Variants in R3HCC1L observed in about 807,000 individuals in gnomAD.
R3HCC1L encodes R3H domain and coiled-coil containing 1 like.
R3HCC1L carries 51 observed loss-of-function variants against 59.9 expected under a neutral mutation model. The observed-to-expected ratio is 0.85, with a 90% CI of 0.68 to 1.07. The LOEUF is 1.07. Among genes scored for constraint, R3HCC1L ranks in the 50% least tolerant of loss-of-function variants. R3HCC1L has a pLI of 0.00. For synonymous variants in R3HCC1L, 322 were observed against 315.2 expected, an observed-to-expected ratio of 1.02 and a Z score of -0.23; for missense variants, 965 against 933.0, an observed-to-expected ratio of 1.03 and a Z score of -0.45.
chr10:98,205,787 TAA>T, intron 4 of R3HCC1L, among the ~76,000 whole-genome samples: 1 of 152,352 alleles, frequency 6.6e-6, no homozygotes, highest in Admixed American at 6.5e-5. Context: ...ATAATAATTT[TAA>T]AGTAGATAAT....
At chr10:98,201,744 A>G (rs983087860) in intron 4 of R3HCC1L, among the ~76,000 whole-genome samples, 1 of 152,230 alleles carries the variant, frequency 6.6e-6, no homozygotes, top group African/African-American at 2.4e-5. Flanking sequence ...TTTGTCAGAG[A>G]GACAGCTTTC....
intron 4 of R3HCC1L, among the ~76,000 whole-genome samples, chr10:98,205,005 C>G (rs543581433): frequency 6.6e-6 from 1 of 152,186 alleles, no homozygotes; most frequent in South Asian, 2.1e-4. Flanking sequence ...AATGGGCATA[C>G]TGGTGGATTG....
chr10:98,172,379 C>T (rs1428112917), intron 4 of R3HCC1L, among the ~76,000 whole-genome samples: 1 of 152,194 alleles, frequency 6.6e-6, no homozygotes, highest in Non-Finnish European at 1.5e-5. Context: ...GAAACTGTAA[C>T]ATTTTTAGCG....
At chr10:98,151,842 A>T (rs955934784) in intron 1 of R3HCC1L, among the ~76,000 whole-genome samples, 3 of 152,200 alleles carry the variant, frequency 2.0e-5, no homozygotes, top group African/African-American at 7.2e-5. Flanking sequence ...TTTAGTTGCA[A>T]CCAAGTACCA....
At chr10:98,153,421 T>C (rs1035649645) in intron 1 of R3HCC1L, among the ~76,000 whole-genome samples, 13 of 151,938 alleles carry the variant, frequency 8.6e-5, no homozygotes, top group Admixed American at 7.9e-4. Context: ...AGCAGACTCG[T>C]TAAAGAGTCA....
intron 5 of R3HCC1L, among the ~76,000 whole-genome samples, chr10:98,229,850 T>A (rs1856147661): frequency 6.6e-6 from 1 of 152,218 alleles, no homozygotes. Context: ...ATGTAGTTTT[T>A]GTTGTTGGTT....
intron 4 of R3HCC1L, among the ~76,000 whole-genome samples, chr10:98,169,903 T>TTTTC (rs776562723): frequency 6.9e-6 from 1 of 145,522 alleles, no homozygotes; most frequent in Non-Finnish European, 1.5e-5. Flanking sequence ...TTTTTTTTTT[T>TTTTC]GGAGTGAGTG....
Position 98,208,312 on chromosome 10 carries a change from G to T in R3HCC1L, c.198G>T (p.Pro66=), listed in dbSNP as rs764428816. The T allele has an allele frequency of 6.2e-7, 1 of 1,614,044 alleles. No individual in the cohort carries two copies. The highest frequency in any genetic ancestry group is 8.5e-7 in the Non-Finnish European group (1 of 1,180,010). The change falls in exon 5 of 10, where the codon CCG becomes CCT. Residue 66 remains proline, a synonymous_variant. Transcript: ENST00000298999. ...AAAAAGAAGTCTTTAAAGACAAACC[G>T]GAGGCTCGAAGACTAAATATCAATC... is the stretch of plus-strand genomic sequence containing the variant. ...LSQKEVFKDK[P]EARRLNINPD...
intron 1 of R3HCC1L, among the ~76,000 whole-genome samples, chr10:98,148,802 A>G (rs184540682): frequency 1.3e-5 from 2 of 152,220 alleles, no homozygotes; most frequent in East Asian, 1.9e-4. Context: ...TTTTACGTCT[A>G]TGTTCATTAG....
At chr10:98,184,203 C>G (rs1263974480) in intron 4 of R3HCC1L, among the ~76,000 whole-genome samples, 1 of 151,978 alleles carries the variant, frequency 6.6e-6, no homozygotes, top group East Asian at 1.9e-4. Flanking sequence ...TTCTTAATGT[C>G]TACCCTCAGC....
intron 4 of R3HCC1L, among the ~76,000 whole-genome samples, chr10:98,201,005 A>G (rs1166810307): frequency 6.6e-6 from 1 of 152,164 alleles, no homozygotes; most frequent in Non-Finnish European, 1.5e-5. Context: ...CTGGGAGGGA[A>G]AATCGTAGAC....
Position 98,208,842 on chromosome 10 carries a change from C to G in R3HCC1L, c.728C>G (p.Ser243Cys). The change falls in exon 5 of 10, where the codon TCT (serine) becomes TGT (cysteine). Residue 243 changes from serine (S) to cysteine (C), a missense_variant. Transcript: ENST00000298999. ...GTACCAATAAAACTAAGCTCTGATT[C>G]TGAAATTGTACAACAAAGCATGCAA... ...MIVPIKLSSD[S>C]EIVQQSMQTS... 4 of 1,614,074 alleles carry G rather than the reference C, an allele frequency of 2.5e-6. No homozygotes were observed. The highest frequency in any genetic ancestry group is 3.4e-6 in the Non-Finnish European group (4 of 1,179,990).
chr10:98,195,195 A>G lies in R3HCC1L; in HGVS notation c.-14-12906A>G, dbSNP rs1851290284. On this transcript the variant is annotated intron_variant, in intron 4 of 9. Coordinates refer to ENST00000298999, the MANE Select transcript of R3HCC1L (RefSeq NM_001351015.2). The stretch of plus-strand genomic sequence containing the variant: ...GGTTGAACCTTCAGGACATTTTGCT[A>G]AGTGAAATAACCCAATCACAAAAAG... 2.6e-5 allele frequency among the ~76,000 whole-genome samples: 4 copies of G among 152,196 alleles called. No homozygotes were observed. In the South Asian group the frequency reaches 8.3e-4, roughly 31 times the overall value.
intron 4 of R3HCC1L, among the ~76,000 whole-genome samples, chr10:98,203,357 G>C (rs1421543853): frequency 6.6e-6 from 1 of 152,146 alleles, no homozygotes; most frequent in Non-Finnish European, 1.5e-5. Context: ...AACAGTATAA[G>C]GGTACCATTT....
Position 98,209,904 on chromosome 10 carries a change from G to A in R3HCC1L, c.1785+5G>A, listed in dbSNP as rs1199729830. The A allele has an allele frequency of 6.3e-7, 1 of 1,593,638 alleles. No homozygotes were observed. Among genetic ancestry groups the A allele is most frequent in the Admixed American group, 1.7e-5 (1 of 58,028 alleles). On this transcript the variant is annotated splice_donor_5th_base_variant and intron_variant, in intron 5 of 9. Transcript: ENST00000298999. Reference sequence around the variant, plus strand: ...GATCCACGTCTTCTACAAGAGGTATGTTTAATTGAAATTGCTTGATGCTTA... The same window carrying A: ...GATCCACGTCTTCTACAAGAGGTATATTTAATTGAAATTGCTTGATGCTTA...
chr10:98,195,779 T>C (rs1232067494), intron 4 of R3HCC1L, among the ~76,000 whole-genome samples: 1 of 152,210 alleles, frequency 6.6e-6, no homozygotes, highest in Non-Finnish European at 1.5e-5. Flanking sequence ...GTATCTAGTT[T>C]TGTCATCAGA....
At chr10:98,227,152 G>T (rs1855758412) in intron 5 of R3HCC1L, among the ~76,000 whole-genome samples, 1 of 152,108 alleles carries the variant, frequency 6.6e-6, no homozygotes, top group South Asian at 2.1e-4. Context: ...TTACTTTACT[G>T]AATACTTATG....
chr10:98,189,350 A>G (rs1850586257), intron 4 of R3HCC1L, among the ~76,000 whole-genome samples: 2 of 152,198 alleles, frequency 1.3e-5, no homozygotes, highest in Admixed American at 6.5e-5. Flanking sequence ...CACCTTATAC[A>G]TGGCGCAGTT....
intron 4 of R3HCC1L, among the ~76,000 whole-genome samples, chr10:98,170,986 A>G (rs1270054776): frequency 5.9e-5 from 9 of 152,218 alleles, no homozygotes; most frequent in Non-Finnish European, 1.2e-4. Flanking sequence ...CCTATGGGCA[A>G]CCTTGATGGG....
Sources: allele counts gnomAD v4.1 joint callset (sites outside exome capture counted in the v4.1 genomes callset), GRCh38; gene constraint gnomAD v4.1.1; transcripts MANE v1.5; gene names NCBI Gene and HGNC (gene_info 2026-07-23, HGNC 2026-07-21).